The following ARHGAP29 variants were observed in gnomAD, a reference collection of about 807,000 sequenced individuals.
ARHGAP29 encodes rho GTPase-activating protein 29.
A neutral mutation model predicts 122.6 loss-of-function variants in ARHGAP29; 43 were observed. That is an observed-to-expected ratio of 0.35 (90% confidence interval 0.27 to 0.45). The LOEUF is 0.45. Among genes scored for constraint, ARHGAP29 ranks in the 20% least tolerant of loss-of-function variants. The pLI is 1.00. For synonymous variants in ARHGAP29, 506 were observed against 497.1 expected, an observed-to-expected ratio of 1.02 and a Z score of -0.24; for missense variants, 1,303 against 1,477.2, an observed-to-expected ratio of 0.88 and a Z score of 1.93.
At chr1:94,249,684 G>A (rs1654005339) in intron 1 of ARHGAP29, among the ~76,000 whole-genome samples, 2 of 152,010 alleles carry the variant, frequency 1.3e-5, no homozygotes, top group African/African-American at 4.8e-5. Flanking sequence ...CCAGGAGGCA[G>A]AGGTTGTGGT....
At chr1:94,238,048 T>G (rs976109201), upstream of ARHGAP29, among the ~76,000 whole-genome samples, 1 of 146,538 alleles carries the variant, frequency 6.8e-6, no homozygotes, top group Admixed American at 6.8e-5. Flanking sequence ...CTTAGGCCTA[T>G]CTGTATTTTT....
the ARHGAP29 span, among the ~76,000 whole-genome samples, chr1:94,306,265 G>A: frequency 6.6e-6 from 1 of 152,212 alleles, no homozygotes; most frequent in South Asian, 2.1e-4. Context: ...AGCCCCAGAG[G>A]AAAGACTGCG....
intron 1 of ARHGAP29, among the ~76,000 whole-genome samples, chr1:94,269,681 A>C (rs935529753): frequency 6.6e-6 from 1 of 152,242 alleles, no homozygotes; most frequent in Admixed American, 6.5e-5. Context: ...TAATAATGCA[A>C]TAGATTCATT....
chr1:94,189,680 T>A (rs1024855852), intron 13 of ARHGAP29, among the ~76,000 whole-genome samples: 1 of 152,138 alleles, frequency 6.6e-6, no homozygotes, highest in Non-Finnish European at 1.5e-5. Flanking sequence ...GGCCATCATA[T>A]GCCATTCCCA....
At chr1:94,252,170 T>C (rs932627211) in intron 1 of ARHGAP29, among the ~76,000 whole-genome samples, 12 of 152,242 alleles carry the variant, frequency 7.9e-5, no homozygotes, top group African/African-American at 2.9e-4. Flanking sequence ...TTTAGCTGCT[T>C]GTAACCAATA....
In ARHGAP29 at chr1:94,188,945, T is replaced by A; in HGVS notation, c.1577-4A>T. On this transcript the variant is annotated splice_polypyrimidine_tract_variant and splice_region_variant and intron_variant, in intron 14 of 22. Coordinates refer to ENST00000260526, the MANE Select transcript of ARHGAP29 (RefSeq NM_004815.4). ...CATGATCTTATAAAGGAAGGACCTT[T>A]AATAAAAAGAATAAAGTCAAAACTT... 6.2e-7 allele frequency: 1 copy of A among 1,610,988 alleles called. No homozygotes were observed. The highest frequency in any genetic ancestry group is 8.5e-7 in the Non-Finnish European group (1 of 1,178,224).
chr1:94,212,392 A>G (rs543911413), intron 3 of ARHGAP29, among the ~76,000 whole-genome samples: 1 of 152,344 alleles, frequency 6.6e-6, no homozygotes, highest in Middle Eastern at 3.4e-3. Context: ...CAGAATTTTC[A>G]AATTGCACCA....
intron 2 of ARHGAP29, among the ~76,000 whole-genome samples, chr1:94,222,123 A>G (rs1267841851): frequency 6.6e-6 from 1 of 152,236 alleles, no homozygotes; most frequent in South Asian, 2.1e-4. Context: ...ATTATAACCT[A>G]AAGTATATAA....
At chr1:94,216,236 A>C (rs1461573827) in intron 3 of ARHGAP29, among the ~76,000 whole-genome samples, 1 of 152,252 alleles carries the variant, frequency 6.6e-6, no homozygotes, top group African/African-American at 2.4e-5. Flanking sequence ...AATGATCCAA[A>C]CATCTATTAG....
At chr1:94,184,313 T>C (rs1441256860) in intron 18 of ARHGAP29, 25 bp from the exon 19 acceptor site, 2 of 1,574,550 alleles carry the variant, frequency 1.3e-6, no homozygotes, top group East Asian at 2.2e-5. Context: ...AAAAAAATTT[T>C]GCAAAATTCT....
intron 22 of ARHGAP29, chr1:94,177,349 C>T (rs770085217): frequency 1.0e-5 from 3 of 287,422 alleles, no homozygotes; most frequent in Non-Finnish European, 1.3e-5. Context: ...AACTCAAAAA[C>T]AAAAACAAAA....
chr1:94,306,293 A>T, the ARHGAP29 span, among the ~76,000 whole-genome samples: 7 of 152,184 alleles, frequency 4.6e-5, 1 homozygote, highest in Admixed American at 3.9e-4. Context: ...CCCAGGTTGA[A>T]GCTGTTAATC....
chr1:94,296,993 CAGGG>C, the ARHGAP29 span, among the ~76,000 whole-genome samples: 1 of 152,090 alleles, frequency 6.6e-6, no homozygotes, highest in East Asian at 1.9e-4. Context: ...AGACATAGTG[CAGGG>C]AGGATGAGAA....
chr1:94,253,154 T>C (rs755581898), intron 1 of ARHGAP29, among the ~76,000 whole-genome samples: 2 of 152,112 alleles, frequency 1.3e-5, no homozygotes, highest in Non-Finnish European at 2.9e-5. Context: ...GTATGTTTAG[T>C]AGAGACAGGT....
At chr1:94,233,810 G>A (rs1458495288) in intron 1 of ARHGAP29, among the ~76,000 whole-genome samples, 2 of 152,220 alleles carry the variant, frequency 1.3e-5, no homozygotes, top group East Asian at 3.8e-4. Flanking sequence ...TGGGATGTAT[G>A]TGAGTTTTTA....
intron 12 of ARHGAP29, chr1:94,191,212 A>G (rs1271836413): frequency 6.6e-6 from 1 of 152,192 alleles, no homozygotes; most frequent in Non-Finnish European, 1.5e-5. Context: ...CTGGTGGAGC[A>G]TTTTACACAA....
chr1:94,206,725 C>T (rs1651215285), intron 5 of ARHGAP29, among the ~76,000 whole-genome samples: 1 of 151,808 alleles, frequency 6.6e-6, no homozygotes, highest in South Asian at 2.1e-4. Context: ...GGAGAAACCC[C>T]ATCTCTACTA....
intron 3 of ARHGAP29, among the ~76,000 whole-genome samples, chr1:94,209,796 T>C (rs936389689): frequency 6.1e-5 from 5 of 82,062 alleles, no homozygotes; most frequent in African/African-American, 1.9e-4. Flanking sequence ...GAATTACCAA[T>C]AATTAAAGTC....
Position 94,185,612 on chromosome 1 carries a change from A to G in ARHGAP29, c.1781-131T>C. The G allele has an allele frequency of 3.8e-6, 3 of 783,728 alleles. No homozygotes were observed. The South Asian group carries it at 1.2e-4, about 31-fold the overall frequency. 48.5% of individuals were successfully genotyped at this position (783,728 alleles called of 1,614,324 possible). A position where few individuals can be genotyped will look rare whatever the true frequency, so the allele number is the denominator to read the frequency against. On this transcript the variant is annotated intron_variant, in intron 16 of 22. Coordinates refer to ENST00000260526, the MANE Select transcript of ARHGAP29 (RefSeq NM_004815.4). ...TAAAAAGCTTTGAATCTCTAATATCAAAATAGCTAGTTAGCATCCAATTTA... is the reference window on the plus strand; with the variant it reads ...TAAAAAGCTTTGAATCTCTAATATCGAAATAGCTAGTTAGCATCCAATTTA...
Sources: allele counts gnomAD v4.1 joint callset (sites outside exome capture counted in the v4.1 genomes callset), GRCh38; gene constraint gnomAD v4.1.1; transcripts MANE v1.5; gene names NCBI Gene and HGNC (gene_info 2026-07-23, HGNC 2026-07-21).